Variants in KLF8 observed in about 807,000 individuals in gnomAD.
KLF8 encodes the protein Krueppel-like factor 8.
A neutral mutation model predicts 18.2 loss-of-function variants in KLF8; 10 were observed. The observed-to-expected ratio is 0.55, with a 90% CI of 0.34 to 0.93. KLF8 has a LOEUF of 0.93. Among genes scored for constraint, KLF8 ranks in the 40% least tolerant of loss-of-function variants. The pLI, the probability that KLF8 is intolerant of heterozygous loss-of-function variation, is 0.02. For missense variants in KLF8, 264 were observed against 277.9 expected (o/e 0.95, Z 0.36); for synonymous variants, 109 against 97.3 (o/e 1.12, Z -0.71).
At chrX:56,163,333 C>T in the KLF8 span, among the ~76,000 whole-genome samples, 1 of 111,962 alleles carries the variant, frequency 8.9e-6, no homozygotes, top group South Asian at 3.7e-4. Context: ...ATTTGCATTT[C>T]TGTAATAACA....
At chrX:56,028,894 G>C in the KLF8 span, among the ~76,000 whole-genome samples, 1 of 111,334 alleles carries the variant, frequency 9.0e-6, no homozygotes, top group Admixed American at 9.5e-5. Context: ...AGTCACAGTA[G>C]CTTGGTTAAC....
At chrX:55,989,616 T>G in the KLF8 span, among the ~76,000 whole-genome samples, 1 of 112,220 alleles carries the variant, frequency 8.9e-6, no homozygotes, top group Non-Finnish European at 1.9e-5. Flanking sequence ...AGTATTTTAT[T>G]GAGGATTTTG....
At chrX:56,196,225 AT>A in the KLF8 span, among the ~76,000 whole-genome samples, 4 of 111,482 alleles carry the variant, frequency 3.6e-5, no homozygotes, top group Admixed American at 1.9e-4. Flanking sequence ...AAGTAAACAC[AT>A]AAAAATATTA....
chrX:56,016,004 C>A, the KLF8 span, among the ~76,000 whole-genome samples: 1 of 111,916 alleles, frequency 8.9e-6, no homozygotes, highest in Non-Finnish European at 1.9e-5. Flanking sequence ...TTTGTGTGTA[C>A]AAAGTAACTA....
At chrX:56,072,987 ATT>A in the KLF8 span, among the ~76,000 whole-genome samples, 195 of 83,876 alleles carry the variant, frequency 2.3e-3, no homozygotes, top group East Asian at 4.7e-3. Flanking sequence ...TTCGCTTAGC[ATT>A]TTTTTTTTTT....
the KLF8 span, among the ~76,000 whole-genome samples, chrX:55,936,770 G>T: frequency 1.8e-5 from 2 of 111,238 alleles, no homozygotes; most frequent in African/African-American, 6.5e-5. Context: ...CATGGATCCT[G>T]GCTGTTTGTT....
chrX:56,137,046 C>T, the KLF8 span, among the ~76,000 whole-genome samples: 1 of 111,063 alleles, frequency 9.0e-6, no homozygotes, highest in Non-Finnish European at 1.9e-5. Flanking sequence ...AAATCAAAAC[C>T]ACAATGAGAT....
At chrX:55,949,770 A>T in the KLF8 span, among the ~76,000 whole-genome samples, 1 of 108,612 alleles carries the variant, frequency 9.2e-6, no homozygotes, top group Non-Finnish European at 1.9e-5. Flanking sequence ...CAGTCTGGCG[A>T]CAGAGCGAGA....
the KLF8 span, among the ~76,000 whole-genome samples, chrX:55,944,498 A>T: frequency 1.6e-4 from 18 of 111,012 alleles, no homozygotes; most frequent in Non-Finnish European, 2.5e-4. Flanking sequence ...GATTATTGCC[A>T]CAATTTCAGA....
the KLF8 span, among the ~76,000 whole-genome samples, chrX:55,960,370 G>C: frequency 9.0e-6 from 1 of 111,141 alleles, no homozygotes; most frequent in African/African-American, 3.3e-5. Context: ...TACAAAATTA[G>C]CCAGGTGTGG....
the KLF8 span, among the ~76,000 whole-genome samples, chrX:56,038,383 C>T: frequency 4.5e-5 from 5 of 111,604 alleles, no homozygotes; most frequent in Non-Finnish European, 9.4e-5. Context: ...CCACACATCA[C>T]CTTCTGACAG....
At chrX:56,047,534 C>T in the KLF8 span, among the ~76,000 whole-genome samples, 336 of 108,356 alleles carry the variant, frequency 3.1e-3, no homozygotes, top group African/African-American at 0.01. Context: ...TTTGTCCTTG[C>T]GATAGTTTCC....
the KLF8 span, among the ~76,000 whole-genome samples, chrX:56,020,334 C>T: frequency 9.8e-5 from 11 of 111,745 alleles, no homozygotes; most frequent in African/African-American, 1.3e-4. Context: ...GCTACAGCAG[C>T]GTGGAGCATG....
the KLF8 span, among the ~76,000 whole-genome samples, chrX:56,172,192 G>T: frequency 2.7e-5 from 3 of 109,506 alleles, no homozygotes; most frequent in Non-Finnish European, 5.7e-5. Context: ...GTGCCATATT[G>T]GTGTGCTGCA....
chrX:56,090,674 AG>A, the KLF8 span, among the ~76,000 whole-genome samples: 1 of 111,527 alleles, frequency 9.0e-6, no homozygotes, highest in African/African-American at 3.3e-5. Flanking sequence ...TTATAAATTC[AG>A]GGGGTACCCA....
At chrX:56,134,597 G>C in the KLF8 span, among the ~76,000 whole-genome samples, 1 of 111,118 alleles carries the variant, frequency 9.0e-6, no homozygotes, top group Non-Finnish European at 1.9e-5. Context: ...ATATTGGCTT[G>C]GGCAAAGACT....
At chrX:56,125,171 G>A in the KLF8 span, among the ~76,000 whole-genome samples, 198 of 111,986 alleles carry the variant, frequency 1.8e-3, no homozygotes, top group Non-Finnish European at 3.3e-3. Context: ...AAGAACAGAT[G>A]TAGCAGACAT....
the KLF8 span, among the ~76,000 whole-genome samples, chrX:56,011,432 A>G: frequency 1.8e-5 from 2 of 112,127 alleles, no homozygotes; most frequent in African/African-American, 6.5e-5. Flanking sequence ...ATATGAACAA[A>G]GAATGTACTA....
chrX:56,082,708 T>C, the KLF8 span, among the ~76,000 whole-genome samples: 1 of 111,755 alleles, frequency 8.9e-6, no homozygotes, highest in Non-Finnish European at 1.9e-5. Flanking sequence ...TTTAATGATT[T>C]TTTGAGTGTG....
Sources: allele counts gnomAD v4.1 joint callset (sites outside exome capture counted in the v4.1 genomes callset), GRCh38; gene constraint gnomAD v4.1.1; transcripts MANE v1.5; gene names NCBI Gene and HGNC (gene_info 2026-07-23, HGNC 2026-07-21).